The following MAPK4 variants were observed in gnomAD, a reference collection of about 807,000 sequenced individuals.
MAPK4 encodes the protein Erk3-related.
MAPK4 carries 22 observed loss-of-function variants against 47.7 expected under a neutral mutation model. The observed-to-expected ratio is 0.46, with a 90% confidence interval of 0.33 to 0.66. MAPK4 has a LOEUF of 0.66. MAPK4 is among the 30% of genes least tolerant of loss of function. MAPK4 has a pLI of 0.02. For synonymous variants in MAPK4, 390 were observed against 365.7 expected (o/e 1.07, Z -0.76); for missense variants, 736 against 831.7 (o/e 0.88, Z 1.42).
At chr18:50,656,636 C>G (rs539674624) in intron 1 of MAPK4, among the ~76,000 whole-genome samples, 6 of 152,314 alleles carry the variant, frequency 3.9e-5, no homozygotes, top group African/African-American at 1.4e-4. Context: ...ACTGGGGCAT[C>G]TGGGAAGCTG....
rs370456120 is a variant in MAPK4 at position 50,641,684 on chromosome 18, C to T, written c.-870-21405C>T. Among the ~76,000 whole-genome samples, 9 of 152,166 alleles carry T rather than the reference C, an allele frequency of 5.9e-5. No homozygotes were observed. In the East Asian group the frequency reaches 1.5e-3, roughly 26 times the overall value. ...GAACTGTTTAAAAAAAGTTATTGTACCATTTGCTGTAACTTATCTGTTAGG... is the reference window on the plus strand; with the variant it reads ...GAACTGTTTAAAAAAAGTTATTGTATCATTTGCTGTAACTTATCTGTTAGG... On this transcript the variant is annotated intron_variant, in intron 1 of 5. Transcript: ENST00000400384.
Position 50,659,903 on chromosome 18 carries a change from A to G in MAPK4, c.-870-3186A>G, listed in dbSNP as rs555683045. Among the ~76,000 whole-genome samples the G allele has an allele frequency of 1.8e-4, 27 of 152,282 alleles. No homozygotes were observed. In the South Asian group the frequency reaches 5.2e-3, roughly 29 times the overall value. ...CTGAACCACCACCTTTGAGCTGAGA[A>G]TGGTTGGGCTTTGCCCTGAGAAGCT... On this transcript the variant is annotated intron_variant, in intron 1 of 5. Transcript: ENST00000400384.
chr18:50,655,192 T>C (rs1568064865), intron 1 of MAPK4, among the ~76,000 whole-genome samples: 1 of 152,196 alleles, frequency 6.6e-6, no homozygotes, highest in African/African-American at 2.4e-5. Context: ...TTAAGATGTT[T>C]GCAGTCACCA....
chr18:50,673,876 A>T (rs1908109421), intron 2 of MAPK4, among the ~76,000 whole-genome samples: 1 of 152,128 alleles, frequency 6.6e-6, no homozygotes, highest in Admixed American at 6.5e-5. Flanking sequence ...AAAATGCTGA[A>T]TTTACCATTT....
At chr18:50,652,696 A>T (rs2043063660) in intron 1 of MAPK4, among the ~76,000 whole-genome samples, 1 of 152,182 alleles carries the variant, frequency 6.6e-6, no homozygotes. Context: ...GATGCACATG[A>T]TGAGTTCCTG....
rs933700609 is a variant in MAPK4 at position 50,717,354 on chromosome 18, T to C, written c.691+2131T>C. Among the ~76,000 whole-genome samples, 4 of 152,272 alleles carry C rather than the reference T, an allele frequency of 2.6e-5. No homozygotes were observed. In the South Asian group the frequency reaches 8.3e-4, roughly 32 times the overall value. ...ACCCACCCACCTCCTTGCTTGATCA[T>C]GACTGCAGTGTGGCCCAGGGGGAGC... On this transcript the variant is annotated intron_variant, in intron 3 of 5. Transcript: ENST00000400384.
At chr18:50,589,209 C>T (rs1444394000) in intron 1 of MAPK4, among the ~76,000 whole-genome samples, 3 of 152,086 alleles carry the variant, frequency 2.0e-5, no homozygotes, top group Non-Finnish European at 4.4e-5. Context: ...TGGCCCTGGT[C>T]CTAAAGATTA....
At chr18:50,603,990 G>T (rs974504120) in intron 1 of MAPK4, among the ~76,000 whole-genome samples, 2 of 152,092 alleles carry the variant, frequency 1.3e-5, no homozygotes, top group African/African-American at 4.8e-5. Context: ...CTTAACAGAG[G>T]ATTAGAACAA....
intron 2 of MAPK4, among the ~76,000 whole-genome samples, chr18:50,677,281 T>C (rs904423013): frequency 6.6e-6 from 1 of 152,222 alleles, no homozygotes; most frequent in Non-Finnish European, 1.5e-5. Context: ...CTCCAAAATG[T>C]TAACAATGGT....
chr18:50,697,918 A>G (rs1158602607), intron 2 of MAPK4, among the ~76,000 whole-genome samples: 1 of 152,180 alleles, frequency 6.6e-6, no homozygotes, highest in Non-Finnish European at 1.5e-5. Flanking sequence ...ACTCACTTCA[A>G]TTAGGGGAGT....
At chr18:50,695,417 A>G (rs1381694905) in intron 2 of MAPK4, among the ~76,000 whole-genome samples, 2 of 151,774 alleles carry the variant, frequency 1.3e-5, no homozygotes, top group Admixed American at 1.3e-4. Flanking sequence ...AGCCAGTGTG[A>G]AGCGAGTGAT....
At chr18:50,619,868 G>A (rs1410539968) in intron 1 of MAPK4, among the ~76,000 whole-genome samples, 1 of 152,230 alleles carries the variant, frequency 6.6e-6, no homozygotes, top group Non-Finnish European at 1.5e-5. Context: ...TCTCTGCGGT[G>A]CTAGTGAGAG....
chr18:50,713,122 G>A (rs780391387), intron 2 of MAPK4, among the ~76,000 whole-genome samples: 1 of 152,182 alleles, frequency 6.6e-6, no homozygotes, highest in Non-Finnish European at 1.5e-5. Flanking sequence ...GGGACTAGGG[G>A]TGACCAAAAG....
intron 1 of MAPK4, among the ~76,000 whole-genome samples, chr18:50,600,350 T>TAGC (rs2042524342): frequency 6.6e-6 from 1 of 152,148 alleles, no homozygotes; most frequent in South Asian, 2.1e-4. Context: ...AACCGACACA[T>TAGC]AGCTCCAGGG....
At chr18:50,612,086 C>T (rs1445168642) in intron 1 of MAPK4, among the ~76,000 whole-genome samples, 1 of 152,214 alleles carries the variant, frequency 6.6e-6, no homozygotes, top group African/African-American at 2.4e-5. Context: ...TCCTAGGAAG[C>T]TCTCTTCACC....
chr18:50,630,860 C>T (rs1033865504), intron 1 of MAPK4, among the ~76,000 whole-genome samples: 1 of 152,228 alleles, frequency 6.6e-6, no homozygotes, highest in Non-Finnish European at 1.5e-5. Flanking sequence ...GGGAGCCTCA[C>T]CTGTCTTTGC....
chr18:50,715,982 A>G (rs557311459), intron 3 of MAPK4, among the ~76,000 whole-genome samples: 1 of 152,228 alleles, frequency 6.6e-6, no homozygotes, highest in Non-Finnish European at 1.5e-5. Flanking sequence ...ACTTTGGCAC[A>G]AAGACCTCCT....
chr18:50,635,143 G>T (rs2042872837), intron 1 of MAPK4, among the ~76,000 whole-genome samples: 2 of 152,106 alleles, frequency 1.3e-5, no homozygotes, highest in African/African-American at 4.8e-5. Context: ...GCACAGAGTG[G>T]GTTTTCAGTT....
chr18:50,591,287 A>G (rs1316160216), intron 1 of MAPK4, among the ~76,000 whole-genome samples: 1 of 152,140 alleles, frequency 6.6e-6, no homozygotes, highest in Non-Finnish European at 1.5e-5. Context: ...AAGTTTAGGA[A>G]TAGGCTTAAG....
Sources: gnomAD v4.1 joint callset for allele counts (sites outside exome capture counted in the v4.1 genomes callset) on GRCh38, gnomAD v4.1.1 for gene constraint, MANE v1.5 for transcripts, NCBI Gene and HGNC (gene_info 2026-07-23, HGNC 2026-07-21) for gene names.